AHCTF1: variants seen among roughly 807,000 people sequenced by gnomAD.
AHCTF1 encodes the protein protein ELYS.
Under a neutral mutation model 248.4 loss-of-function variants are expected in AHCTF1, and 24 were observed. The ratio of observed to expected loss-of-function variants is 0.10; its 90% CI spans 0.07 to 0.14. The LOEUF is 0.14. Ranked by LOEUF, AHCTF1 falls within the 10% of genes least tolerant of loss-of-function variation. The pLI is 1.00. For missense variants in AHCTF1, 2,206 were observed against 2,636.2 expected (o/e 0.84, Z 3.57); for synonymous variants, 786 against 929.8 (o/e 0.85, Z 2.81).
In AHCTF1 at chr1:246,907,568, C is replaced by G. The variant is rs770220000; in HGVS notation, c.747G>C (p.Met249Ile). The G allele has an allele frequency of 8.7e-6, 14 of 1,613,150 alleles. No individual in the cohort carries two copies. The highest frequency in any genetic ancestry group is 1.2e-5 in the Non-Finnish European group (14 of 1,179,596). The change falls in exon 5 of 36, where the codon ATG (methionine) becomes ATC (isoleucine). Residue 249 changes from methionine to isoleucine, a missense_variant. Physicochemically the swap from Met to Ile is conservative, Grantham distance 10. Around this residue, in one of 6 missense-constraint regions of AHCTF1, gnomAD observed 650 missense variants for 870.8 expected, o/e 0.75. Coordinates refer to ENST00000648844, the MANE Select transcript of AHCTF1 (RefSeq NM_001323342.2). ...FSDGYLALWN[M>I]KSMKREYYIQ... ...ATACTTACTCTCTTTTCATGCTTTT[C>G]ATGTTCCAAAGTGCTAGATAGCCAT... is the stretch of plus-strand genomic sequence containing the variant.
chr1:246,915,763 T>A (rs1168051162), intron 3 of AHCTF1, among the ~76,000 whole-genome samples: 1 of 152,206 alleles, frequency 6.6e-6, no homozygotes, highest in East Asian at 1.9e-4. Flanking sequence ...AAAAACATTT[T>A]AAAAATTGAA....
rs1380371375 is a variant in AHCTF1, at chr1:246,913,213, C to G, written c.556+19G>C. On this transcript the variant is annotated intron_variant, in intron 4 of 35. Transcript: ENST00000648844. ...TATCCAGGTGCTCCATTTTTGGTTTCAAGTAAAGAACTGATTACCTGATGC... is the reference window on the plus strand; with the variant it reads ...TATCCAGGTGCTCCATTTTTGGTTTGAAGTAAAGAACTGATTACCTGATGC... The G allele has an allele frequency of 1.1e-5, 17 of 1,499,446 alleles. No individual in the cohort carries two copies. Among genetic ancestry groups the G allele is most frequent in the Non-Finnish European group, 1.5e-5 (17 of 1,116,104 alleles). 92.9% of individuals were successfully genotyped at this position (1,499,446 alleles called of 1,614,324 possible).
Position 246,898,322 on chromosome 1 carries a change from T to C in AHCTF1, c.1509A>G (p.Leu503=). 6.2e-7 allele frequency: 1 copy of C among 1,613,132 alleles called. No homozygotes were observed. Among genetic ancestry groups the C allele is most frequent in the African/African-American group, 1.3e-5 (1 of 74,982 alleles). ...TGFQKETLTF[L]KKSGPSLNEL... is the part of the protein sequence containing the mutation. Reference sequence around the variant, plus strand: ...CATTGAGTGATGGACCTGATTTCTTTAAAAAAGTCAAAGTCTGTAACAGAT... The same window carrying C: ...CATTGAGTGATGGACCTGATTTCTTCAAAAAAGTCAAAGTCTGTAACAGAT... Residue 503 remains leucine, a synonymous_variant, in exon 12 of 36, where the codon TTA becomes TTG. Coordinates refer to ENST00000648844, the MANE Select transcript of AHCTF1 (RefSeq NM_001323342.2).
At position 246,911,443 on chromosome 1, in the gene AHCTF1, C is replaced by T. The variant is rs894852283; in HGVS notation, c.556+1789G>A. On this transcript the variant is annotated intron_variant, in intron 4 of 35. Transcript: ENST00000648844. ...TTAATCAATCAGGTTTGTATACATA[C>T]CAAATTTTAAGGTATAGTGTCTATC... Among the ~76,000 whole-genome samples the T allele has an allele frequency of 3.3e-5, 5 of 150,964 alleles. 1 individual carries two copies. Among genetic ancestry groups the T allele is most frequent in the African/African-American group, 4.9e-5 (2 of 41,130 alleles).
intron 11 of AHCTF1, 152 bp from the exon 12 acceptor site, chr1:246,898,488 T>C (rs1481873529): frequency 3.3e-6 from 3 of 899,714 alleles, no homozygotes; most frequent in African/African-American, 1.7e-5. Flanking sequence ...ACAGAGTTTA[T>C]AGGTTCTTAA....
At chr1:246,928,254 C>A (rs1667090761) in intron 1 of AHCTF1, among the ~76,000 whole-genome samples, 1 of 141,880 alleles carries the variant, frequency 7.0e-6, no homozygotes. Flanking sequence ...AGTGAGCCGA[C>A]ATCGCGCCAC....
In AHCTF1 at chr1:246,842,718, G is replaced by T; in HGVS notation, c.6584C>A (p.Thr2195Lys). The change falls in exon 35 of 36, where the codon ACG (threonine) becomes AAG (lysine). Residue 2195 changes from threonine to lysine, a missense_variant. Thr to Lys is a moderately conservative substitution (Grantham distance 78). Coordinates refer to ENST00000648844, the MANE Select transcript of AHCTF1 (RefSeq NM_001323342.2). ...CTTGCTTGCTTGTTTTGTTTTTGAC[G>T]TCCTGATTCGTTTCGCTTTTGGCTT... ...LGKPKAKRIR[T>K]SKTKQASKNT... The T allele has an allele frequency of 1.2e-6, 2 of 1,613,526 alleles. No homozygotes were observed. Among genetic ancestry groups the T allele is most frequent in the Non-Finnish European group, 1.7e-6 (2 of 1,179,968 alleles).
intron 1 of AHCTF1, among the ~76,000 whole-genome samples, chr1:246,924,186 A>G (rs1442240125): frequency 1.3e-5 from 2 of 152,244 alleles, no homozygotes; most frequent in African/African-American, 4.8e-5. Flanking sequence ...AGCCACTTCT[A>G]ACAGATGTGT....
chr1:246,896,958 A>G (rs12728361), intron 12 of AHCTF1, among the ~76,000 whole-genome samples: 36,242 of 152,070 alleles, frequency 0.24, 4,476 homozygotes, highest in East Asian at 0.31. Flanking sequence ...ACAAAACAGA[A>G]ACGTCTGCTA....
intron 35 of AHCTF1, among the ~76,000 whole-genome samples, chr1:246,841,955 A>AT (rs1211083487): frequency 0.31 from 38,790 of 124,204 alleles, 6,781 homozygotes; most frequent in African/African-American, 0.46. Flanking sequence ...CGCCCAGCTA[A>AT]TTTTTTTTTT....
chr1:246,924,670 T>C (rs1408047845), intron 1 of AHCTF1, among the ~76,000 whole-genome samples: 1 of 152,138 alleles, frequency 6.6e-6, no homozygotes, highest in Non-Finnish European at 1.5e-5. Flanking sequence ...TTAAAATATA[T>C]GAGTTATCAT....
chr1:246,881,642 G>A (rs1663418312), intron 21 of AHCTF1, among the ~76,000 whole-genome samples: 1 of 151,898 alleles, frequency 6.6e-6, no homozygotes, highest in Non-Finnish European at 1.5e-5. Flanking sequence ...TTCAAGACCA[G>A]CCTGACCAAC....
Position 246,864,767 on chromosome 1 carries a change from G to A in AHCTF1, c.3348-651C>T, listed in dbSNP as rs1404283344. Among the ~76,000 whole-genome samples the A allele has an allele frequency of 8.3e-5, 5 of 60,008 alleles. 1 individual carries two copies. The highest frequency in any genetic ancestry group is 1.2e-4 in the Non-Finnish European group (5 of 40,038). The allele number at this position is 60,008 out of a possible 152,430, so 39.4% of individuals were successfully genotyped here. A position where few individuals can be genotyped will look rare whatever the true frequency, so the allele number is the denominator to read the frequency against. ...AGGCAGGAGAATGGCGTGAACCCGG[G>A]AAGCGGAGCTTGCAGTGAGCCGAGA... On this transcript the variant is annotated intron_variant, in intron 26 of 35. Coordinates refer to ENST00000648844, the MANE Select transcript of AHCTF1 (RefSeq NM_001323342.2).
Position 246,900,484 on chromosome 1 carries a change from T to C in AHCTF1, c.1118-15A>G, listed in dbSNP as rs1664918704. ...AGGCGATAGAGCTGGAAGAAAAAGA[T>C]AATTTTTAAAAACAGAATAAAGAAT... On this transcript the variant is annotated splice_polypyrimidine_tract_variant and intron_variant, in intron 8 of 35. Coordinates refer to ENST00000648844, the MANE Select transcript of AHCTF1 (RefSeq NM_001323342.2). The C allele has an allele frequency of 1.3e-6, 2 of 1,580,568 alleles. No individual in the cohort carries two copies. The highest frequency in any genetic ancestry group is 1.2e-5 in the South Asian group (1 of 83,856).
At chr1:246,862,953 C>G (rs1005526688) in intron 27 of AHCTF1, among the ~76,000 whole-genome samples, 1 of 152,118 alleles carries the variant, frequency 6.6e-6, no homozygotes. Flanking sequence ...GCCTAGTAAA[C>G]AAATTACTGA....
At chr1:246,885,831 T>G in intron 20 of AHCTF1, 151 bp from the exon 21 acceptor site, 1 of 704,170 alleles carries the variant, frequency 1.4e-6, no homozygotes, top group East Asian at 2.8e-5. Flanking sequence ...CTATATAGAG[T>G]TGGCTCTCAG....
Position 246,905,489 on chromosome 1 carries a change from T to C in AHCTF1, c.881+52A>G, listed in dbSNP as rs1471690862. 15 of 1,451,732 alleles carry C rather than the reference T, an allele frequency of 1.0e-5. No homozygotes were observed. In the East Asian group the frequency reaches 3.4e-4, roughly 33 times the overall value. The allele number at this position is 1,451,732 out of a possible 1,614,324, so 89.9% of individuals were successfully genotyped here. ...TCCAGCCTGGACAACAGAGCGAGAC[T>C]CTGTCTCCAAAAAAACAAAACAAAA... is the stretch of plus-strand genomic sequence containing the variant. On this transcript the variant is annotated intron_variant, in intron 6 of 35. Transcript: ENST00000648844.
chr1:246,902,749 A>C, intron 7 of AHCTF1, 74 bp from the exon 8 acceptor site: 2 of 1,369,332 alleles, frequency 1.5e-6, no homozygotes, highest in East Asian at 4.9e-5. Flanking sequence ...ATATTCTCCA[A>C]ATTTAAAGAT....
intron 35 of AHCTF1, 54 bp downstream of exon 35, chr1:246,842,640 G>C (rs79531849): frequency 1.3e-4 from 195 of 1,464,578 alleles, no homozygotes; most frequent in Non-Finnish European, 1.7e-4. Context: ...GGTGGGGACA[G>C]AGCGAGACTG....
Sources: allele counts gnomAD v4.1 joint callset (sites outside exome capture counted in the v4.1 genomes callset), GRCh38; gene constraint gnomAD v4.1.1; regional missense constraint gnomAD v4.1.1; transcripts MANE v1.5; gene names NCBI Gene and HGNC (gene_info 2026-07-23, HGNC 2026-07-21).